CHST12: variants seen among roughly 807,000 people sequenced by gnomAD.
CHST12 encodes carbohydrate (chondroitin 4) sulfotransferase 12.
A neutral mutation model predicts 27.9 loss-of-function variants in CHST12; 23 were observed. The observed-to-expected ratio is 0.82, with a 90% confidence interval of 0.59 to 1.17. CHST12 has a LOEUF of 1.17. Ranked by LOEUF, CHST12 falls within the 50% of genes most tolerant of loss-of-function variation. The pLI is 0.00. For missense variants in CHST12, 682 were observed against 603.0 expected, an observed-to-expected ratio of 1.13 and a Z score of -1.37; for synonymous variants, 322 against 273.0, an observed-to-expected ratio of 1.18 and a Z score of -1.77.
chr7:2,421,314 T>G (rs528579062), intron 1 of CHST12, among the ~76,000 whole-genome samples: 10 of 147,140 alleles, frequency 6.8e-5, no homozygotes, highest in Admixed American at 6.1e-4. Context: ...GGCAACATCA[T>G]AGCTCACTGC....
intron 1 of CHST12, among the ~76,000 whole-genome samples, chr7:2,414,275 AT>A (rs1562510784): frequency 6.7e-6 from 1 of 148,400 alleles, no homozygotes; most frequent in African/African-American, 2.5e-5. Flanking sequence ...TTCTTTTTTT[AT>A]TTTTCTTTTT....
chr7:2,407,159 C>T (rs978724248), intron 1 of CHST12, among the ~76,000 whole-genome samples: 3 of 151,986 alleles, frequency 2.0e-5, no homozygotes, highest in African/African-American at 4.8e-5. Context: ...AAAAAAGAAA[C>T]GGAAAGGATC....
Position 2,433,050 on chromosome 7 carries a change from G to A in CHST12, c.411G>A (p.Leu137=). 6.2e-7 allele frequency: 1 copy of A among 1,611,856 alleles called. No individual in the cohort carries two copies. The highest frequency in any genetic ancestry group is 2.2e-5 in the East Asian group (1 of 44,852). The change falls in exon 2 of 2, where the codon CTG becomes CTA. Residue 137 remains leucine, a synonymous_variant. Transcript: ENST00000618655. This position sits in a 1 kb window ranked among gnomAD's most constrained non-coding sequence, Gnocchi z 6.1. ...VLRGFCANSS[L]AFPTKERAFD... Reference sequence around the variant, plus strand: ...GGGGCTTCTGCGCCAACTCCAGCCTGGCCTTCCCCACCAAGGAGCGCGCAT... The same window carrying A: ...GGGGCTTCTGCGCCAACTCCAGCCTAGCCTTCCCCACCAAGGAGCGCGCAT...
intron 1 of CHST12, among the ~76,000 whole-genome samples, 195 bp downstream of exon 1, chr7:2,403,868 T>G (rs2115371119): frequency 6.6e-6 from 1 of 151,842 alleles, no homozygotes; most frequent in Middle Eastern, 3.4e-3. Context: ...ACCTTGGCCC[T>G]GCGCGCGCCC....
chr7:2,426,575 A>G (rs1354001152), intron 1 of CHST12, among the ~76,000 whole-genome samples: 1 of 150,664 alleles, frequency 6.6e-6, no homozygotes, highest in African/African-American at 2.4e-5. Flanking sequence ...TGCCTTGTTC[A>G]TGATCTTGGT....
chr7:2,446,605 AG>A lies in CHST12; in HGVS notation c.*12724del. The A allele has an allele frequency of 6.5e-6, 1 of 153,042 alleles. No individual in the cohort carries two copies. The allele number at this position is 153,042 out of a possible 1,614,324, so 9.5% of individuals were successfully genotyped here. On this transcript the variant is annotated 3_prime_UTR_variant, in exon 2 of 2. Coordinates refer to ENST00000618655, the MANE Select transcript of CHST12 (RefSeq NM_018641.5). Reference sequence around the variant, plus strand: ...TACCTGCCATGAGAATGAGATGTCCAGGGACCTCCCTGCTCCAGCTGGGACC... The same window carrying A: ...TACCTGCCATGAGAATGAGATGTCCAGGACCTCCCTGCTCCAGCTGGGACC...
intron 1 of CHST12, among the ~76,000 whole-genome samples, chr7:2,419,576 G>C (rs1781910456): frequency 6.6e-6 from 1 of 151,810 alleles, no homozygotes; most frequent in African/African-American, 2.4e-5. Flanking sequence ...GCATGGTGGT[G>C]GGAGCCTGTA....
intron 1 of CHST12, among the ~76,000 whole-genome samples, chr7:2,429,662 A>G (rs988723881): frequency 1.3e-5 from 2 of 152,152 alleles, no homozygotes; most frequent in Non-Finnish European, 1.5e-5. Flanking sequence ...GTGGGCGTAA[A>G]ATTGTTTGTA....
intron 1 of CHST12, among the ~76,000 whole-genome samples, chr7:2,417,047 G>C (rs943892592): frequency 1.3e-5 from 2 of 151,984 alleles, no homozygotes; most frequent in African/African-American, 4.8e-5. Context: ...TTTTTCTTTT[G>C]CAATGTGTAT....
intron 1 of CHST12, among the ~76,000 whole-genome samples, chr7:2,422,644 T>C (rs2115418104): frequency 6.6e-6 from 1 of 152,180 alleles, no homozygotes; most frequent in South Asian, 2.1e-4. Flanking sequence ...CAAGCGATTC[T>C]CCTGCCTCAG....
intron 1 of CHST12, among the ~76,000 whole-genome samples, chr7:2,422,040 G>A (rs967875482): frequency 2.0e-5 from 3 of 152,168 alleles, no homozygotes; most frequent in African/African-American, 7.2e-5. Context: ...AAGTGCTTAG[G>A]TTGGCTCAGT....
At chr7:2,425,322 G>T (rs995292871) in intron 1 of CHST12, among the ~76,000 whole-genome samples, 1 of 152,058 alleles carries the variant, frequency 6.6e-6, no homozygotes, top group African/African-American at 2.4e-5. Flanking sequence ...CCACAGTGCA[G>T]ACAAGGGTGA....
chr7:2,425,472 C>T (rs1392917689), intron 1 of CHST12, among the ~76,000 whole-genome samples: 2 of 152,186 alleles, frequency 1.3e-5, no homozygotes, highest in Non-Finnish European at 2.9e-5. Flanking sequence ...CCTGCTCAAA[C>T]ATCTAGAAAG....
rs962677898 is a variant in CHST12, at chr7:2,405,429, G to A, written c.-78+1756G>A. ...TCTGCACTCCAGCCTGGGCAACAGAGTAAAAAAAAGACTGGAAAGATGGGT... is the reference window on the plus strand; with the variant it reads ...TCTGCACTCCAGCCTGGGCAACAGAATAAAAAAAAGACTGGAAAGATGGGT... On this transcript the variant is annotated intron_variant, in intron 1 of 1. Transcript: ENST00000618655. 7.9e-5 allele frequency among the ~76,000 whole-genome samples: 12 copies of A among 152,290 alleles called. No individual in the cohort carries two copies. In the East Asian group the frequency reaches 1.5e-3, roughly 20 times the overall value.
intron 1 of CHST12, among the ~76,000 whole-genome samples, chr7:2,419,272 G>C (rs1781898230): frequency 6.6e-6 from 1 of 152,042 alleles, no homozygotes; most frequent in Non-Finnish European, 1.5e-5. Flanking sequence ...AGCCAGGCGT[G>C]GTGGTGCACA....
intron 1 of CHST12, among the ~76,000 whole-genome samples, chr7:2,418,690 T>C (rs1781877297): frequency 6.6e-6 from 1 of 152,196 alleles, no homozygotes; most frequent in East Asian, 1.9e-4. Flanking sequence ...TGAATGCTTC[T>C]CTCCTGCCCA....
At chr7:2,406,843 C>T (rs1184100414) in intron 1 of CHST12, among the ~76,000 whole-genome samples, 1 of 152,012 alleles carries the variant, frequency 6.6e-6, no homozygotes, top group African/African-American at 2.4e-5. Flanking sequence ...AAAACCTCTG[C>T]TACAGGAGAT....
rs917506375 is a variant in CHST12 at position 2,436,902 on chromosome 7, C to T, written c.*3018C>T. On this transcript the variant is annotated 3_prime_UTR_variant, in exon 2 of 2. Coordinates refer to ENST00000618655, the MANE Select transcript of CHST12 (RefSeq NM_018641.5). ...CCGGGCCATGGTCGGGGCCACCGCC[C>T]GTGGGGATGACTCCGGATGGGAGTG... 3.9e-5 allele frequency: 6 copies of T among 152,348 alleles called. No individual in the cohort carries two copies. Among genetic ancestry groups the T allele is most frequent in the African/African-American group, 9.6e-5 (4 of 41,560 alleles). The allele number at this position is 152,348 out of a possible 1,614,324, so 9.4% of individuals were successfully genotyped here.
intron 1 of CHST12, among the ~76,000 whole-genome samples, chr7:2,423,440 C>T (rs373768077): frequency 2.2e-4 from 33 of 152,044 alleles, no homozygotes; most frequent in African/African-American, 7.5e-4. Flanking sequence ...GAGACAGCAG[C>T]GGGGGCCGTG....
Sources: gnomAD v4.1 joint callset for allele counts (sites outside exome capture counted in the v4.1 genomes callset) on GRCh38, gnomAD v4.1.1 for gene constraint, Gnocchi (gnomAD v3.1) non-coding constraint, MANE v1.5 for transcripts, NCBI Gene and HGNC (gene_info 2026-07-23, HGNC 2026-07-21) for gene names.